Variants in COL4A2 observed in about 807,000 individuals in gnomAD.
The protein encoded by COL4A2 is collagen alpha-2(IV) chain.
Under a neutral mutation model 200.2 loss-of-function variants are expected in COL4A2, and 99 were observed. The ratio of observed to expected loss-of-function variants is 0.49; its 90% CI spans 0.42 to 0.58. COL4A2 has a LOEUF of 0.58. Ranked by LOEUF, COL4A2 falls within the 20% of genes least tolerant of loss-of-function variation. COL4A2 has a pLI of 0.00. For missense variants in COL4A2, 1,950 were observed against 2,314.1 expected (o/e 0.84, Z 3.23); for synonymous variants, 897 against 900.6 (o/e 1.00, Z 0.07).
rs1883427184 is a variant in COL4A2 at position 110,495,479 on chromosome 13, C to G, written c.3760+12C>G. 2 of 1,609,006 alleles carry G rather than the reference C, an allele frequency of 1.2e-6. No homozygotes were observed. Among genetic ancestry groups the G allele is most frequent in the East Asian group, 2.2e-5 (1 of 44,836 alleles). On this transcript the variant is annotated intron_variant, in intron 40 of 47. Coordinates refer to ENST00000360467, the MANE Select transcript of COL4A2 (RefSeq NM_001846.4). The stretch of plus-strand genomic sequence containing the variant: ...CCAAGGAGCTCCAGGTGAGGCCACA[C>G]ATTCCAAGCCAACATTGCCGTCCCA...
rs3742186 is a variant in COL4A2, at chr13:110,511,755, T to C, written c.4882-179T>C. ...GGGGCTGCCTCCTGCAGGGGGCCCA[T>C]GTGTATTTCACCAGCCCCCTCTTGC... On this transcript the variant is annotated intron_variant, in intron 47 of 47. Coordinates refer to ENST00000360467, the MANE Select transcript of COL4A2 (RefSeq NM_001846.4). 0.56 allele frequency among the ~76,000 whole-genome samples: 85,723 copies of C among 152,172 alleles called. 24,272 individuals are homozygous for C. The highest frequency in any genetic ancestry group is 0.62 in the Middle Eastern group (182 of 294).
chr13:110,330,814 G>C (rs970492916), intron 3 of COL4A2, among the ~76,000 whole-genome samples: 4 of 152,048 alleles, frequency 2.6e-5, no homozygotes, highest in Non-Finnish European at 4.4e-5. Context: ...ATTAAGAAGA[G>C]TTTGCTAGCA....
At chr13:110,483,086 G>A (rs1160203494) in intron 32 of COL4A2, among the ~76,000 whole-genome samples, 2 of 152,154 alleles carry the variant, frequency 1.3e-5, no homozygotes, top group African/African-American at 2.4e-5. Context: ...AGAGAACGTG[G>A]TCCACACATG....
chr13:110,499,865 A>G (rs557646990), intron 40 of COL4A2, among the ~76,000 whole-genome samples: 1 of 152,368 alleles, frequency 6.6e-6, no homozygotes, highest in South Asian at 2.1e-4. Context: ...TGGATCATCT[A>G]ACTCAGGAGT....
At chr13:110,354,848 C>T (rs1877121829) in intron 3 of COL4A2, among the ~76,000 whole-genome samples, 1 of 152,208 alleles carries the variant, frequency 6.6e-6, no homozygotes, top group Admixed American at 6.5e-5. Flanking sequence ...CCTGCGTGTC[C>T]TGCCCTTCTG....
intron 4 of COL4A2, among the ~76,000 whole-genome samples, chr13:110,381,027 G>A (rs1473262778): frequency 7.1e-6 from 1 of 141,004 alleles, no homozygotes; most frequent in Admixed American, 7.0e-5. Flanking sequence ...CACACCCACG[G>A]GCTCTGTCTC....
intron 3 of COL4A2, among the ~76,000 whole-genome samples, chr13:110,318,343 T>C (rs566253789): frequency 6.6e-6 from 1 of 152,144 alleles, no homozygotes; most frequent in Non-Finnish European, 1.5e-5. Flanking sequence ...TGTCCAAATA[T>C]CTGACCCAAC....
At position 110,438,672 on chromosome 13, in the gene COL4A2, A is replaced by G. The variant is rs1269403633; in HGVS notation, c.912+4A>G. 6.2e-7 allele frequency: 1 copy of G among 1,614,194 alleles called. No homozygotes were observed. Among genetic ancestry groups the G allele is most frequent in the African/African-American group, 1.3e-5 (1 of 75,048 alleles). On this transcript the variant is annotated splice_donor_region_variant and intron_variant, in intron 15 of 47. Transcript: ENST00000360467. ...CATGGGCTTTCCTGGACTGAGGGTA[A>G]ACCACGCCTTTTATAACTGCAGTTG...
At chr13:110,439,717 C>G (rs1881048859) in intron 15 of COL4A2, 72 bp from the exon 16 acceptor site, 1 of 1,608,106 alleles carries the variant, frequency 6.2e-7, no homozygotes, top group Admixed American at 1.7e-5. Context: ...CAGCCAGGTG[C>G]CGTAGTCAAG....
chr13:110,350,776 T>C (rs955883325), intron 3 of COL4A2, among the ~76,000 whole-genome samples: 3 of 152,196 alleles, frequency 2.0e-5, no homozygotes, highest in Non-Finnish European at 4.4e-5. Context: ...CCTGCATTCC[T>C]CACTAGCTCC....
intron 29 of COL4A2, among the ~76,000 whole-genome samples, chr13:110,476,283 C>A (rs1882701204): frequency 6.6e-6 from 1 of 152,254 alleles, no homozygotes; most frequent in African/African-American, 2.4e-5. Flanking sequence ...TTAGCACCCA[C>A]TAACAATCCA....
chr13:110,473,482 T>C (rs931966709), intron 29 of COL4A2: 8 of 285,736 alleles, frequency 2.8e-5, no homozygotes, highest in Admixed American at 1.5e-4. Flanking sequence ...GTACAGGTGG[T>C]ATGAAGAAAA....
At chr13:110,509,296 CA>C (rs71206940) in intron 47 of COL4A2, among the ~76,000 whole-genome samples, 4 of 130,262 alleles carry the variant, frequency 3.1e-5, no homozygotes, top group African/African-American at 1.1e-4. Context: ...CACACACACA[CA>C]ACATAAAATA....
At position 110,435,648 on chromosome 13, in the gene COL4A2, T is replaced by C. The variant is rs558614889; in HGVS notation, c.727-621T>C. ...AAGAAAGGAAAAGACAATGATGTTC[T>C]TTTGTGTCAATCAGTTTCTGGGAGG... is the stretch of plus-strand genomic sequence containing the variant. On this transcript the variant is annotated intron_variant, in intron 12 of 47. Transcript: ENST00000360467. Among the ~76,000 whole-genome samples the C allele has an allele frequency of 1.6e-4, 25 of 152,340 alleles. 2 individuals are homozygous for C. The South Asian group carries it at 5.2e-3, about 32-fold the overall frequency.
At chr13:110,487,402 G>A (rs538680731) in intron 34 of COL4A2, among the ~76,000 whole-genome samples, 1 of 152,200 alleles carries the variant, frequency 6.6e-6, no homozygotes, top group Non-Finnish European at 1.5e-5. Flanking sequence ...GCAGTGAGCC[G>A]AGATTGCGCC....
Position 110,358,263 on chromosome 13 carries a change from C to T in COL4A2, c.180+711C>T, listed in dbSNP as rs12583222. Among the ~76,000 whole-genome samples, 82 of 152,056 alleles carry T rather than the reference C, an allele frequency of 5.4e-4. No homozygotes were observed. In the East Asian group the frequency reaches 0.016, roughly 29 times the overall value. On this transcript the variant is annotated intron_variant, in intron 4 of 47. Coordinates refer to ENST00000360467, the MANE Select transcript of COL4A2 (RefSeq NM_001846.4). ...CAAAGAAACAAACAGACATGGGAGC[C>T]TGGGCCTACACGGGCTCAGGATAAT...
At chr13:110,411,410 C>T (rs4773181) in intron 4 of COL4A2, among the ~76,000 whole-genome samples, 149,154 of 152,348 alleles carry the variant, frequency 0.98, 73,077 homozygotes, top group East Asian at 1. Flanking sequence ...TGTGTTACTA[C>T]TTCAGAGTAT....
intron 3 of COL4A2, among the ~76,000 whole-genome samples, chr13:110,329,802 A>G (rs998869819): frequency 4.6e-5 from 7 of 152,210 alleles, no homozygotes; most frequent in African/African-American, 1.4e-4. Context: ...TGAAAGAGAC[A>G]GAGGAAGGTT....
At chr13:110,501,826 G>A (rs367782132) in intron 41 of COL4A2, 42 bp downstream of exon 41, 1 of 1,575,958 alleles carries the variant, frequency 6.3e-7, no homozygotes, top group Non-Finnish European at 8.7e-7. Flanking sequence ...ATCTCTAGGG[G>A]CAGGAGCTGG....
Sources: allele counts gnomAD v4.1 joint callset (sites outside exome capture counted in the v4.1 genomes callset), GRCh38; gene constraint gnomAD v4.1.1; transcripts MANE v1.5; gene names NCBI Gene and HGNC (gene_info 2026-07-23, HGNC 2026-07-21).